Variants in CAP2 observed in about 807,000 individuals in gnomAD.
CAP2 encodes the protein cyclase associated actin cytoskeleton regulatory protein 2, also known as adenylyl cyclase-associated protein 2.
In CAP2, 24 loss-of-function variants were observed where a neutral mutation model predicts 57.7. That is an observed-to-expected ratio of 0.42 (90% CI 0.30 to 0.58). CAP2 has a LOEUF of 0.58. Among genes scored for constraint, CAP2 ranks in the 20% least tolerant of loss-of-function variants. The probability of loss-of-function intolerance (pLI) is 0.22; values close to 1 mark genes in which losing one functional copy is unlikely to be tolerated. For synonymous variants in CAP2, 194 were observed against 207.2 expected (o/e 0.94, Z 0.55); for missense variants, 501 against 590.3 (o/e 0.85, Z 1.57).
In CAP2 at chr6:17,541,109, T is replaced by C. The variant is rs35654321; in HGVS notation, c.963T>C (p.His321=). ...CTAAATCTTATCCTTCTCAAAAACA[T>C]GCCCCAGTGTTGGAGTTGGAAGGAA... ...TSPKSYPSQK[H]APVLELEGKK... is the part of the protein sequence containing the mutation. Residue 321 remains histidine, a synonymous_variant, in exon 9 of 13, where the codon CAT becomes CAC. Transcript: ENST00000229922. 9,205 of 1,613,782 alleles carry C rather than the reference T, an allele frequency of 5.7e-3. 40 individuals carry two copies. The highest frequency in any genetic ancestry group is 6.7e-3 in the Non-Finnish European group (7,926 of 1,179,810).
At chr6:17,398,398 C>G (rs916139244) in intron 1 of CAP2, among the ~76,000 whole-genome samples, 2 of 151,954 alleles carry the variant, frequency 1.3e-5, no homozygotes, top group Admixed American at 6.6e-5. Context: ...GTGAGTTTTG[C>G]CATTCATTCA....
At chr6:17,508,991 G>A (rs935738950) in intron 6 of CAP2, among the ~76,000 whole-genome samples, 1 of 151,956 alleles carries the variant, frequency 6.6e-6, no homozygotes, top group Admixed American at 6.6e-5. Context: ...TCTTGACCTC[G>A]TGATCCGCCC....
At chr6:17,404,067 A>G (rs138178496) in intron 1 of CAP2, among the ~76,000 whole-genome samples, 1 of 152,360 alleles carries the variant, frequency 6.6e-6, no homozygotes, top group East Asian at 1.9e-4. Flanking sequence ...AGGGTCAGTA[A>G]TTGTGGCAAA....
At chr6:17,442,569 T>A (rs966218256) in intron 3 of CAP2, among the ~76,000 whole-genome samples, 6 of 152,094 alleles carry the variant, frequency 3.9e-5, no homozygotes, top group Admixed American at 2.0e-4. Context: ...ATGGCATGTA[T>A]CTACAGCTCA....
chr6:17,542,232 C>G (rs1762923299), intron 9 of CAP2, among the ~76,000 whole-genome samples: 4 of 152,156 alleles, frequency 2.6e-5, no homozygotes, highest in Admixed American at 2.6e-4. Context: ...CTGTGCCCCA[C>G]TCTGATGTGC....
chr6:17,504,506 C>T (rs769479558), intron 4 of CAP2, among the ~76,000 whole-genome samples: 1 of 152,168 alleles, frequency 6.6e-6, no homozygotes, highest in African/African-American at 2.4e-5. Context: ...TTCTCAGCAC[C>T]CAGTATCGAG....
At chr6:17,450,115 G>A (rs912867820) in intron 3 of CAP2, among the ~76,000 whole-genome samples, 1 of 150,212 alleles carries the variant, frequency 6.7e-6, no homozygotes, top group African/African-American at 2.5e-5. Context: ...GCAGTGGCAC[G>A]ATCTCGGCTC....
chr6:17,396,481 G>A (rs954106142), intron 1 of CAP2, among the ~76,000 whole-genome samples: 3 of 152,178 alleles, frequency 2.0e-5, no homozygotes, highest in Non-Finnish European at 4.4e-5. Context: ...AAAGAGTGGA[G>A]TACTGATACA....
At chr6:17,426,789 T>C in intron 3 of CAP2, 99 bp downstream of exon 3, 1 of 797,566 alleles carries the variant, frequency 1.3e-6, no homozygotes. Context: ...TTTATTTATT[T>C]AGTTTTTACT....
At chr6:17,535,816 A>G (rs1286865358) in intron 7 of CAP2, among the ~76,000 whole-genome samples, 1 of 152,150 alleles carries the variant, frequency 6.6e-6, no homozygotes, top group African/African-American at 2.4e-5. Flanking sequence ...GTTTATTCCC[A>G]AATTTGTCTA....
At chr6:17,394,165 G>C (rs1445837552) in intron 1 of CAP2, among the ~76,000 whole-genome samples, 3 of 147,910 alleles carry the variant, frequency 2.0e-5, no homozygotes, top group Non-Finnish European at 4.5e-5. Flanking sequence ...TCTTCCAGGG[G>C]GGTGGGGGTG....
chr6:17,425,573 C>T (rs762415133), intron 2 of CAP2, among the ~76,000 whole-genome samples: 1 of 152,162 alleles, frequency 6.6e-6, no homozygotes, highest in Non-Finnish European at 1.5e-5. Flanking sequence ...AGAAGGGCCA[C>T]TGGCTTTGGA....
intron 7 of CAP2, among the ~76,000 whole-genome samples, chr6:17,529,558 G>A (rs937309142): frequency 3.3e-5 from 5 of 151,208 alleles, no homozygotes; most frequent in South Asian, 2.1e-4. Flanking sequence ...GGAGAATGGC[G>A]TGAACCTGGG....
intron 1 of CAP2, among the ~76,000 whole-genome samples, chr6:17,409,355 G>C (rs1280156539): frequency 6.6e-6 from 1 of 151,902 alleles, no homozygotes; most frequent in Non-Finnish European, 1.5e-5. Flanking sequence ...CTGGGTGACA[G>C]AGTGAGACTC....
intron 4 of CAP2, among the ~76,000 whole-genome samples, chr6:17,479,389 G>C (rs1028562888): frequency 3.3e-5 from 5 of 152,190 alleles, no homozygotes; most frequent in East Asian, 1.9e-4. Flanking sequence ...GAGTCCTGAT[G>C]ATGCCCTAAC....
chr6:17,437,502 G>A (rs1180388437), intron 3 of CAP2, among the ~76,000 whole-genome samples: 1 of 152,206 alleles, frequency 6.6e-6, no homozygotes, highest in Non-Finnish European at 1.5e-5. Context: ...TTGCCAATCT[G>A]ATGGGTGACA....
intron 6 of CAP2, among the ~76,000 whole-genome samples, chr6:17,512,151 A>G (rs551385217): frequency 6.6e-6 from 1 of 152,168 alleles, no homozygotes; most frequent in African/African-American, 2.4e-5. Flanking sequence ...GCTCTTTGGG[A>G]GGCTGAGGAG....
intron 2 of CAP2, among the ~76,000 whole-genome samples, chr6:17,424,744 C>T (rs1759539140): frequency 6.6e-6 from 1 of 152,166 alleles, no homozygotes; most frequent in South Asian, 2.1e-4. Context: ...GACAGGTCTG[C>T]CCGCAGGAGG....
chr6:17,426,765 TGAG>T, intron 3 of CAP2, 75 bp downstream of exon 3: 2 of 919,616 alleles, frequency 2.2e-6, no homozygotes, highest in Non-Finnish European at 1.8e-6. Flanking sequence ...GCTAACAGCC[TGAG>T]GAGATCTTTA....
Sources: allele counts gnomAD v4.1 joint callset (sites outside exome capture counted in the v4.1 genomes callset), GRCh38; gene constraint gnomAD v4.1.1; transcripts MANE v1.5; gene names NCBI Gene and HGNC (gene_info 2026-07-23, HGNC 2026-07-21).